The following AGAP1 variants were observed in gnomAD, a reference collection of about 807,000 sequenced individuals.
The protein encoded by AGAP1 is ArfGAP with GTPase domain, ankyrin repeat and PH domain 1, also known as arf-GAP with GTPase, ANK repeat and PH domain-containing protein 1.
AGAP1 carries 29 observed loss-of-function variants against 105.3 expected under a neutral mutation model. That is an observed-to-expected ratio of 0.28 (90% CI 0.21 to 0.38). The LOEUF (loss-of-function observed/expected upper bound fraction) is 0.38. AGAP1 is among the 10% of genes least tolerant of loss of function. The probability of loss-of-function intolerance (pLI) is 1.00; values close to 1 mark genes in which losing one functional copy is unlikely to be tolerated. For missense variants in AGAP1, 998 were observed against 1,165.1 expected, an observed-to-expected ratio of 0.86 and a Z score of 2.09; for synonymous variants, 509 against 485.9, an observed-to-expected ratio of 1.05 and a Z score of -0.63.
intron 1 of AGAP1, among the ~76,000 whole-genome samples, chr2:235,605,078 A>G (rs896258331): frequency 5.3e-5 from 8 of 151,796 alleles, no homozygotes; most frequent in African/African-American, 1.9e-4. Flanking sequence ...GGGTTTCACC[A>G]TGTTGGCCAG....
intron 1 of AGAP1, among the ~76,000 whole-genome samples, chr2:235,531,171 A>G (rs1271042791): frequency 6.6e-6 from 1 of 152,218 alleles, no homozygotes; most frequent in Non-Finnish European, 1.5e-5. Context: ...CTCCTGGTCC[A>G]GTGATACCTC....
At chr2:236,110,102 G>A (rs1463025959) in intron 16 of AGAP1, among the ~76,000 whole-genome samples, 1 of 152,212 alleles carries the variant, frequency 6.6e-6, no homozygotes, top group Non-Finnish European at 1.5e-5. Context: ...GGGGACCCTG[G>A]GCAGTGTTCT....
intron 1 of AGAP1, among the ~76,000 whole-genome samples, chr2:235,502,716 T>C (rs947974956): frequency 2.0e-5 from 3 of 151,438 alleles, no homozygotes; most frequent in African/African-American, 4.9e-5. Flanking sequence ...TTTTTTTTTT[T>C]TTTTTAAGGG....
At chr2:235,699,078 C>T (rs375000348) in intron 1 of AGAP1, among the ~76,000 whole-genome samples, 5 of 151,386 alleles carry the variant, frequency 3.3e-5, no homozygotes, top group African/African-American at 9.7e-5. Context: ...ATCCCCCCCC[C>T]CCACCCCACC....
chr2:235,536,664 CACACACACACACA>C (rs1943247219), intron 1 of AGAP1, among the ~76,000 whole-genome samples: 5 of 151,774 alleles, frequency 3.3e-5, no homozygotes, highest in African/African-American at 4.8e-5. Context: ...CACACACACA[CACACACACACACA>C]CCCCTTGCTT....
Position 235,982,928 on chromosome 2 carries a change from AC to A in AGAP1, c.1645+14308del, listed in dbSNP as rs1426779847. ...CTTGAGTTCTGAGACAAGATTTGAT[AC>A]CCATTCATTTATAGGCCAAATCCAG... On this transcript the variant is annotated intron_variant, in intron 13 of 17. Coordinates refer to ENST00000304032, the MANE Select transcript of AGAP1 (RefSeq NM_001037131.3). The surrounding 1 kb of genome is among the most constrained non-coding windows in gnomAD (Gnocchi z 4.9). Among the ~76,000 whole-genome samples the A allele has an allele frequency of 6.6e-6, 1 of 152,034 alleles. No homozygotes were observed. The highest frequency in any genetic ancestry group is 1.9e-4 in the East Asian group (1 of 5,184).
In AGAP1 at chr2:236,036,568, A is replaced by C; in HGVS notation, c.1653A>C (p.Glu551Asp). ...DGLSGTAEEQ[E>D]ENFEFIIVSL... ...CCACACTCTGTGTTTCAGAACAAGA[A>C]GAAAATTTTGAGTTTATCATTGTGT... Residue 551 changes from glutamate to aspartate, a missense_variant, in exon 14 of 18, where the codon GAA becomes GAC. Around this residue, in one of 3 missense-constraint regions of AGAP1, gnomAD observed 735 missense variants for 833.4 expected, o/e 0.88. Coordinates refer to ENST00000304032, the MANE Select transcript of AGAP1 (RefSeq NM_001037131.3). This position sits in a 1 kb window ranked among gnomAD's most constrained non-coding sequence, Gnocchi z 5.7. 6.2e-7 allele frequency: 1 copy of C among 1,614,082 alleles called. No homozygotes were observed. The highest frequency in any genetic ancestry group is 8.5e-7 in the Non-Finnish European group (1 of 1,179,956).
chr2:235,634,972 C>G lies in AGAP1; in HGVS notation c.164-74207C>G, dbSNP rs375149062. ...CCACCTCCTCACCCTCAGCCTCCCCCCCGCTGTAGACAGTGGCCAACCGTG... is the reference window on the plus strand; with the variant it reads ...CCACCTCCTCACCCTCAGCCTCCCCGCCGCTGTAGACAGTGGCCAACCGTG... On this transcript the variant is annotated intron_variant, in intron 1 of 17. Coordinates refer to ENST00000304032, the MANE Select transcript of AGAP1 (RefSeq NM_001037131.3). 7.2e-5 allele frequency among the ~76,000 whole-genome samples: 11 copies of G among 152,070 alleles called. No individual in the cohort carries two copies. In the East Asian group the frequency reaches 1.4e-3, roughly 19 times the overall value.
At chr2:235,546,136 G>A (rs1943613841) in intron 1 of AGAP1, among the ~76,000 whole-genome samples, 1 of 152,202 alleles carries the variant, frequency 6.6e-6, no homozygotes. Flanking sequence ...GGGGACAGCT[G>A]TCATCAAAGC....
At chr2:235,987,108 G>T (rs200998276) in intron 13 of AGAP1, among the ~76,000 whole-genome samples, 1 of 147,690 alleles carries the variant, frequency 6.8e-6, no homozygotes. Flanking sequence ...GCTTTTTATT[G>T]TTATTTATTT....
chr2:236,074,135 A>T (rs898084035), intron 16 of AGAP1, among the ~76,000 whole-genome samples: 3 of 152,040 alleles, frequency 2.0e-5, no homozygotes, highest in African/African-American at 7.2e-5. Flanking sequence ...ATACCAGCTG[A>T]CTCTGAGGAG....
At chr2:235,531,076 G>A (rs977391920) in intron 1 of AGAP1, among the ~76,000 whole-genome samples, 1 of 152,204 alleles carries the variant, frequency 6.6e-6, no homozygotes, top group Non-Finnish European at 1.5e-5. Context: ...TAAAGATTTA[G>A]GGTATTTGGC....
chr2:235,811,905 C>G (rs553182069), intron 9 of AGAP1, among the ~76,000 whole-genome samples: 17 of 152,302 alleles, frequency 1.1e-4, no homozygotes, highest in Admixed American at 9.8e-4. Flanking sequence ...TTTGAGAGAA[C>G]CAGGTCTCTG....
chr2:235,848,418 AAC>A (rs1415565312), intron 9 of AGAP1, among the ~76,000 whole-genome samples: 1 of 152,238 alleles, frequency 6.6e-6, no homozygotes, highest in African/African-American at 2.4e-5. Flanking sequence ...TCTTCTTTCT[AAC>A]ACTGGGAGCT....
At chr2:235,812,829 G>A (rs1201175475) in intron 9 of AGAP1, among the ~76,000 whole-genome samples, 1 of 152,180 alleles carries the variant, frequency 6.6e-6, no homozygotes. Flanking sequence ...CGAGAGGCCC[G>A]CCGAGCGTAC....
chr2:235,650,156 G>T lies in AGAP1; in HGVS notation c.164-59023G>T, dbSNP rs184095612. ...GTGGGTGGATCACCGGAGGTCAGGA[G>T]TTCGAGACCAGCCTGCCCAACATGA... On this transcript the variant is annotated intron_variant, in intron 1 of 17. Coordinates refer to ENST00000304032, the MANE Select transcript of AGAP1 (RefSeq NM_001037131.3). Among the ~76,000 whole-genome samples the T allele has an allele frequency of 4.3e-3, 652 of 152,344 alleles. 4 individuals carry two copies. Among genetic ancestry groups the T allele is most frequent in the African/African-American group, 0.011 (477 of 41,576 alleles).
rs1435064709 is a variant in AGAP1 at position 235,633,749 on chromosome 2, G to T, written c.164-75430G>T. Among the ~76,000 whole-genome samples the T allele has an allele frequency of 6.6e-6, 1 of 152,132 alleles. No homozygotes were observed. Among genetic ancestry groups the T allele is most frequent in the Non-Finnish European group, 1.5e-5 (1 of 68,022 alleles). On this transcript the variant is annotated intron_variant, in intron 1 of 17. Transcript: ENST00000304032. The surrounding 1 kb of genome is among the most constrained non-coding windows in gnomAD (Gnocchi z 4.8). ...TGAGGGTCTTAATTACCTTATGACAGCTTTACCTAAAAAGATGGGGGAAGG... is the reference window on the plus strand; with the variant it reads ...TGAGGGTCTTAATTACCTTATGACATCTTTACCTAAAAAGATGGGGGAAGG...
chr2:236,113,303 GCTAATTTT>G lies in AGAP1; in HGVS notation c.2115-6888_2115-6881del, dbSNP rs1286262083. 3.3e-5 allele frequency among the ~76,000 whole-genome samples: 5 copies of G among 152,146 alleles called. No homozygotes were observed. The highest frequency in any genetic ancestry group is 4.8e-5 in the African/African-American group (2 of 41,454). On this transcript the variant is annotated intron_variant, in intron 16 of 17. Transcript: ENST00000304032. This position sits in a 1 kb window ranked among gnomAD's most constrained non-coding sequence, Gnocchi z 4.3. ...TTACAGGCATCCGCCACCATGCCCG[GCTAATTTT>G]TGTATTTTTAGTAGAGATGGGGTTT...
rs1263225413 is a variant in AGAP1, at chr2:235,904,582, C to T, written c.1156-4156C>T. Among the ~76,000 whole-genome samples the T allele has an allele frequency of 6.6e-6, 1 of 152,128 alleles. No individual in the cohort carries two copies. The highest frequency in any genetic ancestry group is 2.4e-5 in the African/African-American group (1 of 41,408). On this transcript the variant is annotated intron_variant, in intron 10 of 17. Coordinates refer to ENST00000304032, the MANE Select transcript of AGAP1 (RefSeq NM_001037131.3). This position sits in a 1 kb window ranked among gnomAD's most constrained non-coding sequence, Gnocchi z 4.2. ...TTCGATCAGCATTTTCAACAAGGAA[C>T]ATGGAGAAGGGTAGTATCTGTAACA...
Sources: gnomAD v4.1 joint callset for allele counts (sites outside exome capture counted in the v4.1 genomes callset) on GRCh38, gnomAD v4.1.1 for gene constraint, gnomAD v4.1.1 regional missense constraint, Gnocchi (gnomAD v3.1) non-coding constraint, MANE v1.5 for transcripts, NCBI Gene and HGNC (gene_info 2026-07-23, HGNC 2026-07-21) for gene names.